The following GCNA variants were observed in gnomAD, a reference collection of about 807,000 sequenced individuals.
GCNA encodes the protein germ cell nuclear acidic peptidase.
Under a neutral mutation model 38.8 loss-of-function variants are expected in GCNA, and 3 were observed. That is an observed-to-expected ratio of 0.08 (90% CI 0.04 to 0.20). The LOEUF (loss-of-function observed/expected upper bound fraction) is 0.20. Among genes scored for constraint, GCNA ranks in the 10% least tolerant of loss-of-function variants. The pLI is 1.00. For synonymous variants in GCNA, 195 were observed against 240.2 expected, an observed-to-expected ratio of 0.81 and a Z score of 1.74; for missense variants, 446 against 578.6, an observed-to-expected ratio of 0.77 and a Z score of 2.35.
At chrX:71,578,908 G>C (rs895037519) in intron 1 of GCNA, among the ~76,000 whole-genome samples, 1 of 107,551 alleles carries the variant, frequency 9.3e-6, no homozygotes, top group African/African-American at 3.4e-5. Flanking sequence ...TGCCAGTGGC[G>C]GGTGGAGAGA....
In GCNA at chrX:71,612,243, A is replaced by T. The variant is rs758377527; in HGVS notation, c.1751-112A>T. The T allele has an allele frequency of 1.6e-4, 96 of 611,673 alleles. 1 individual carries two copies. The East Asian group carries it at 3.5e-3, about 22-fold the overall frequency. The allele number at this position is 611,673 out of a possible 1,213,427, so 50.4% of individuals were successfully genotyped here. ...CAGTGAGCTGAGATCATGCCATTAC[A>T]CTCCAGCCTGGGCGACAAAGCAAGA... On this transcript the variant is annotated intron_variant, in intron 11 of 12. Transcript: ENST00000373696.
intron 11 of GCNA, 100 bp downstream of exon 11, chrX:71,610,919 C>A: frequency 9.0e-7 from 1 of 1,105,469 alleles, no homozygotes; most frequent in Non-Finnish European, 1.2e-6. Context: ...ACAGCTCGAA[C>A]TGTCATTCTT....
chrX:71,582,840 A>G (rs961676763), intron 2 of GCNA, among the ~76,000 whole-genome samples: 3 of 112,220 alleles, frequency 2.7e-5, no homozygotes, highest in Non-Finnish European at 5.6e-5. Context: ...GTAATCATAT[A>G]TAGACATTTA....
At chrX:71,578,826 G>T (rs1316755276) in intron 1 of GCNA, among the ~76,000 whole-genome samples, 1 of 109,985 alleles carries the variant, frequency 9.1e-6, no homozygotes, top group East Asian at 2.9e-4. Flanking sequence ...GTGGCGGCGT[G>T]GGGAGAAGGG....
chrX:71,581,147 A>G (rs1449181945), intron 2 of GCNA, among the ~76,000 whole-genome samples: 3 of 112,436 alleles, frequency 2.7e-5, no homozygotes, highest in African/African-American at 9.7e-5. Flanking sequence ...TGTGGTTTCT[A>G]GAAAGTTCTT....
chrX:71,580,928 T>C, intron 2 of GCNA, 48 bp downstream of exon 2: 6 of 1,093,965 alleles, frequency 5.5e-6, no homozygotes, highest in Non-Finnish European at 6.2e-6. Flanking sequence ...GTTACCGTAT[T>C]GGCAAAACAG....
Position 71,592,157 on chromosome X carries a change from C to G in GCNA, c.95C>G (p.Thr32Ser), listed in dbSNP as rs958916834. The change falls in exon 3 of 13, where the codon ACC (threonine) becomes AGC (serine). Residue 32 changes from threonine (T) to serine (S), a missense_variant. This residue lies in a region of GCNA where 25 missense variants were observed against 52.8 expected (regional missense o/e 0.47). Coordinates refer to ENST00000373696, the MANE Select transcript of GCNA (RefSeq NM_052957.5). The stretch of plus-strand genomic sequence containing the variant: ...AATGTTCAGTCAAGCAGTGATGACA[C>G]CAGTGGGTCTTGTAAGTAGAGTCCA... The part of the protein sequence containing the change: ...ILNVQSSSDD[T>S]SGSSVARRAP... 8.3e-7 allele frequency: 1 copy of G among 1,203,472 alleles called. No homozygotes were observed. Among genetic ancestry groups the G allele is most frequent in the Non-Finnish European group, 1.1e-6 (1 of 888,634 alleles).
intron 6 of GCNA, among the ~76,000 whole-genome samples, chrX:71,596,148 G>A (rs985935489): frequency 4.5e-5 from 5 of 111,850 alleles, no homozygotes; most frequent in Non-Finnish European, 9.4e-5. Flanking sequence ...CCTGGGAGGC[G>A]GAGGTTGCAG....
chrX:71,595,159 CA>C (rs761991114), intron 6 of GCNA, among the ~76,000 whole-genome samples: 1 of 111,977 alleles, frequency 8.9e-6, no homozygotes, highest in African/African-American at 3.2e-5. Context: ...TGCAGTGGTG[CA>C]ATCTCGGCTC....
intron 5 of GCNA, among the ~76,000 whole-genome samples, 169 bp downstream of exon 5, chrX:71,594,546 C>T (rs1302001683): frequency 1.0e-5 from 1 of 97,179 alleles, no homozygotes; most frequent in Non-Finnish European, 2.1e-5. Context: ...AGGAGGTTCT[C>T]TGCTTCTTTT....
At chrX:71,605,926 T>C (rs986689092) in intron 9 of GCNA, among the ~76,000 whole-genome samples, 197 bp downstream of exon 9, 1 of 111,988 alleles carries the variant, frequency 8.9e-6, no homozygotes, top group African/African-American at 3.2e-5. Context: ...CTTCCTCCCT[T>C]CTTTCCCCAC....
intron 2 of GCNA, among the ~76,000 whole-genome samples, chrX:71,589,050 C>T: frequency 9.1e-6 from 1 of 110,029 alleles, no homozygotes; most frequent in Non-Finnish European, 1.9e-5. Context: ...GACAAAGAGT[C>T]TCGCTATGGT....
chrX:71,580,102 G>A (rs1179382060), intron 1 of GCNA, among the ~76,000 whole-genome samples: 1 of 105,598 alleles, frequency 9.5e-6, no homozygotes, highest in Admixed American at 1.0e-4. Context: ...TAGGGGAAGG[G>A]GGAGAGGTTG....
intron 9 of GCNA, among the ~76,000 whole-genome samples, chrX:71,607,173 C>T (rs2040774587): frequency 8.9e-6 from 1 of 112,141 alleles, no homozygotes; most frequent in East Asian, 2.8e-4. Flanking sequence ...GGTCCGGGCT[C>T]TGCCAAAGTC....
Position 71,608,994 on chromosome X carries a change from T to C in GCNA, c.1488T>C (p.Pro496=). The part of the protein sequence containing the change: ...RKTRTPKCKV[P]GCFLQDLEKS... ...GCAGGACTCCTAAATGCAAAGTCCCTGGATGTTTCTTGCAAGACCTTGAAA... is the reference window on the plus strand; with the variant it reads ...GCAGGACTCCTAAATGCAAAGTCCCCGGATGTTTCTTGCAAGACCTTGAAA... The change falls in exon 10 of 13, where the codon CCT becomes CCC. Residue 496 remains proline, a synonymous_variant. Transcript: ENST00000373696. The C allele has an allele frequency of 8.3e-7, 1 of 1,210,767 alleles. No homozygotes were observed. The highest frequency in any genetic ancestry group is 1.1e-6 in the Non-Finnish European group (1 of 894,761).
At chrX:71,604,711 G>A (rs777869708) in intron 8 of GCNA, 35 bp downstream of exon 8, 1 of 1,200,353 alleles carries the variant, frequency 8.3e-7, no homozygotes, top group Non-Finnish European at 1.1e-6. Context: ...CTGTCCCACT[G>A]AATGTGCCTT....
chrX:71,595,596 C>T (rs1242760785), intron 6 of GCNA, among the ~76,000 whole-genome samples: 1 of 111,979 alleles, frequency 8.9e-6, no homozygotes, highest in Non-Finnish European at 1.9e-5. Flanking sequence ...CTTTCAGCCT[C>T]ACCTGCTACT....
At chrX:71,602,627 GA>G (rs1202677647) in intron 7 of GCNA, among the ~76,000 whole-genome samples, 10 of 111,794 alleles carry the variant, frequency 8.9e-5, no homozygotes. Flanking sequence ...TGGATTATTA[GA>G]TTTTTTTTTC....
At chrX:71,591,400 A>G (rs2040627315) in intron 2 of GCNA, among the ~76,000 whole-genome samples, 1 of 103,020 alleles carries the variant, frequency 9.7e-6, no homozygotes, top group Admixed American at 1.1e-4. Flanking sequence ...ATCGTGGCTC[A>G]CTGCAGGGAG....
Sources: gnomAD v4.1 joint callset for allele counts (sites outside exome capture counted in the v4.1 genomes callset) on GRCh38, gnomAD v4.1.1 for gene constraint, gnomAD v4.1.1 regional missense constraint, MANE v1.5 for transcripts, NCBI Gene and HGNC (gene_info 2026-07-23, HGNC 2026-07-21) for gene names.